Variants in TGFB2 observed in about 807,000 individuals in gnomAD.
TGFB2 encodes transforming growth factor beta 2.
TGFB2 carries 13 observed loss-of-function variants against 42.7 expected under a neutral mutation model. The ratio of observed to expected loss-of-function variants is 0.30; its 90% CI spans 0.20 to 0.48. The LOEUF (loss-of-function observed/expected upper bound fraction) is 0.48. Ranked by LOEUF, TGFB2 falls within the 20% of genes least tolerant of loss-of-function variation. TGFB2 has a pLI of 0.99. For missense variants in TGFB2, 390 were observed against 517.5 expected (o/e 0.75, Z 2.39); for synonymous variants, 193 against 193.6 (o/e 1.00, Z 0.03).
Position 218,443,441 on chromosome 1 carries a change from T to C in TGFB2, c.*2079T>C, listed in dbSNP as rs990040001. 1 of 152,200 alleles carries C rather than the reference T, an allele frequency of 6.6e-6. No homozygotes were observed. The highest frequency in any genetic ancestry group is 1.5e-5 in the Non-Finnish European group (1 of 68,030). 9.4% of individuals were successfully genotyped at this position (152,200 alleles called of 1,614,324 possible). ...AATTTCCTGACCATTAATTAAAGAA[T>C]TGGATTTGCAAGTTTGAAAACTGGA... On this transcript the variant is annotated 3_prime_UTR_variant, in exon 7 of 7. Transcript: ENST00000366930.
At chr1:218,385,938 A>G (rs12058490) in intron 1 of TGFB2, among the ~76,000 whole-genome samples, 22,959 of 152,030 alleles carry the variant, frequency 0.15, 2,596 homozygotes, top group African/African-American at 0.32. Flanking sequence ...AAGTTCAGAG[A>G]GACTCCCATG....
chr1:218,373,547 A>C (rs1272402740), intron 1 of TGFB2, among the ~76,000 whole-genome samples: 2 of 151,920 alleles, frequency 1.3e-5, no homozygotes, highest in African/African-American at 4.8e-5. Context: ...GCTCTGGGCT[A>C]ATCTCCATAT....
intron 1 of TGFB2, among the ~76,000 whole-genome samples, chr1:218,357,821 G>A (rs1279902137): frequency 6.6e-6 from 1 of 152,166 alleles, no homozygotes; most frequent in Non-Finnish European, 1.5e-5. Context: ...TTATGAAACA[G>A]GTTATTTCTG....
At chr1:218,378,267 C>A (rs1171933810) in intron 1 of TGFB2, among the ~76,000 whole-genome samples, 1 of 152,206 alleles carries the variant, frequency 6.6e-6, no homozygotes, top group African/African-American at 2.4e-5. Flanking sequence ...ACCTCCGCCT[C>A]CCGGGTTCAT....
At chr1:218,440,313 CTG>C (rs964896221) in intron 6 of TGFB2, among the ~76,000 whole-genome samples, 31 of 149,110 alleles carry the variant, frequency 2.1e-4, no homozygotes, top group African/African-American at 7.4e-4. Flanking sequence ...TCTAGCATCA[CTG>C]TGTTTATGAA....
chr1:218,408,531 A>C (rs1658989250), intron 2 of TGFB2, among the ~76,000 whole-genome samples: 1 of 152,190 alleles, frequency 6.6e-6, no homozygotes, highest in African/African-American at 2.4e-5. Context: ...CAATTTTTTT[A>C]TCTTTCTGGG....
intron 1 of TGFB2, among the ~76,000 whole-genome samples, chr1:218,354,871 C>G (rs1249634287): frequency 6.6e-6 from 1 of 152,096 alleles, no homozygotes; most frequent in African/African-American, 2.4e-5. Flanking sequence ...TTAATTGATA[C>G]AAAAAGTGTG....
chr1:218,394,563 G>T (rs1037091289), intron 1 of TGFB2, among the ~76,000 whole-genome samples: 21 of 152,062 alleles, frequency 1.4e-4, no homozygotes, highest in African/African-American at 4.8e-4. Flanking sequence ...GCCAAGTCAC[G>T]TAAGCTGATG....
At chr1:218,370,620 T>C (rs1436153876) in intron 1 of TGFB2, among the ~76,000 whole-genome samples, 1 of 152,214 alleles carries the variant, frequency 6.6e-6, no homozygotes, top group Non-Finnish European at 1.5e-5. Context: ...AGGGTCACTG[T>C]CTAGAGCTTT....
At chr1:218,428,271 C>G (rs1475366250) in intron 2 of TGFB2, among the ~76,000 whole-genome samples, 4 of 152,060 alleles carry the variant, frequency 2.6e-5, no homozygotes, top group African/African-American at 9.7e-5. Flanking sequence ...AAATTTTCTC[C>G]CATTCTGTAG....
At chr1:218,413,684 A>G (rs1419003352) in intron 2 of TGFB2, among the ~76,000 whole-genome samples, 3 of 152,234 alleles carry the variant, frequency 2.0e-5, no homozygotes, top group African/African-American at 7.2e-5. Flanking sequence ...ATATCAGGAC[A>G]CAATCCCGTT....
intron 1 of TGFB2, among the ~76,000 whole-genome samples, chr1:218,376,246 G>A (rs1179931918): frequency 1.3e-5 from 2 of 152,126 alleles, no homozygotes; most frequent in African/African-American, 4.8e-5. Context: ...TTGTTAGGAG[G>A]GCTGGAAGCT....
chr1:218,346,847 A>G lies in TGFB2; in HGVS notation c.146A>G (p.Lys49Arg). The G allele has an allele frequency of 6.2e-7, 1 of 1,614,162 alleles. No individual in the cohort carries two copies. Among genetic ancestry groups the G allele is most frequent in the South Asian group, 1.1e-5 (1 of 91,080 alleles). The change falls in exon 1 of 7, where the codon AAG becomes AGG. Residue 49 changes from lysine to arginine, a missense_variant. Coordinates refer to ENST00000366930, the MANE Select transcript of TGFB2 (RefSeq NM_003238.6). The surrounding 1 kb of genome is among the most constrained non-coding windows in gnomAD (Gnocchi z 4.9). ...CGCGGGCAGATCCTGAGCAAGCTGA[A>G]GCTCACCAGTCCCCCAGAAGACTAT... ...AIRGQILSKL[K>R]LTSPPEDYPE...
chr1:218,391,959 G>A (rs74962415), intron 1 of TGFB2, among the ~76,000 whole-genome samples: 12 of 152,330 alleles, frequency 7.9e-5, no homozygotes, highest in African/African-American at 2.4e-4. Context: ...ACTAGAACAA[G>A]TGAATGGCTT....
intron 1 of TGFB2, chr1:218,363,442 C>A (rs780560605): frequency 2.3e-5 from 36 of 1,597,678 alleles, no homozygotes; most frequent in Non-Finnish European, 2.6e-6. Context: ...CTGCTTTATT[C>A]CTCGTTTGAC....
At chr1:218,416,737 A>G (rs1659294397) in intron 2 of TGFB2, among the ~76,000 whole-genome samples, 1 of 152,050 alleles carries the variant, frequency 6.6e-6, no homozygotes, top group Non-Finnish European at 1.5e-5. Flanking sequence ...TCTCCACTCA[A>G]TCTCATCTTG....
At chr1:218,349,115 A>G (rs1273994475) in intron 1 of TGFB2, among the ~76,000 whole-genome samples, 2 of 152,202 alleles carry the variant, frequency 1.3e-5, no homozygotes, top group Non-Finnish European at 2.9e-5. Context: ...CACCAAATAA[A>G]TGAAAACCTC....
intron 1 of TGFB2, among the ~76,000 whole-genome samples, chr1:218,357,193 CAA>C (rs1491082425): frequency 1.6e-5 from 2 of 126,468 alleles, no homozygotes; most frequent in African/African-American, 6.0e-5. Flanking sequence ...GCCTGGGAGA[CAA>C]GAGCAAGACT....
At chr1:218,411,743 T>C (rs1369554351) in intron 2 of TGFB2, among the ~76,000 whole-genome samples, 2 of 151,580 alleles carry the variant, frequency 1.3e-5, no homozygotes, top group Non-Finnish European at 2.9e-5. Context: ...CACACACCTG[T>C]AATCCCAGCT....
Sources: gnomAD v4.1 joint callset for allele counts (sites outside exome capture counted in the v4.1 genomes callset) on GRCh38, gnomAD v4.1.1 for gene constraint, Gnocchi (gnomAD v3.1) non-coding constraint, MANE v1.5 for transcripts, NCBI Gene and HGNC (gene_info 2026-07-23, HGNC 2026-07-21) for gene names.